BCAS3: variants seen among roughly 807,000 people sequenced by gnomAD.
The protein encoded by BCAS3 is BCAS4/BCAS3 fusion.
A neutral mutation model predicts 116.1 loss-of-function variants in BCAS3; 53 were observed. The ratio of observed to expected loss-of-function variants is 0.46; its 90% CI spans 0.37 to 0.57. The LOEUF is 0.57. Among genes scored for constraint, BCAS3 ranks in the 20% least tolerant of loss-of-function variants. BCAS3 has a pLI of 0.00. For missense variants in BCAS3, 917 were observed against 1,165.4 expected, an observed-to-expected ratio of 0.79 and a Z score of 3.10; for synonymous variants, 391 against 408.2, an observed-to-expected ratio of 0.96 and a Z score of 0.51.
chr17:60,697,624 C>G (rs1006735256), intron 4 of BCAS3, among the ~76,000 whole-genome samples: 3 of 151,240 alleles, frequency 2.0e-5, no homozygotes, highest in Admixed American at 6.6e-5. Flanking sequence ...CACTTTACAC[C>G]TTGACTTTTG....
chr17:61,357,754 A>T (rs35358323), intron 22 of BCAS3, among the ~76,000 whole-genome samples: 6,131 of 148,832 alleles, frequency 0.041, 175 homozygotes, highest in Non-Finnish European at 0.064. Context: ...AAATTTTTTT[A>T]AAATAATAAA....
intron 13 of BCAS3, among the ~76,000 whole-genome samples, chr17:60,938,305 C>T (rs2060043061): frequency 6.6e-6 from 1 of 152,180 alleles, no homozygotes; most frequent in Admixed American, 6.5e-5. Flanking sequence ...CTAAAGCTCA[C>T]CAAGAAAGGG....
intron 22 of BCAS3, among the ~76,000 whole-genome samples, chr17:61,209,018 C>T (rs950819535): frequency 7.2e-5 from 11 of 152,110 alleles, no homozygotes; most frequent in Admixed American, 7.2e-4. Context: ...CATATGGTCT[C>T]ATGTTCCATT....
intron 22 of BCAS3, among the ~76,000 whole-genome samples, chr17:61,257,759 C>T (rs1332271660): frequency 6.6e-6 from 1 of 152,204 alleles, no homozygotes; most frequent in Non-Finnish European, 1.5e-5. Flanking sequence ...GTGACTTACA[C>T]TTAGCTTGTT....
chr17:60,798,692 G>A (rs193120804), intron 6 of BCAS3, among the ~76,000 whole-genome samples: 2 of 152,248 alleles, frequency 1.3e-5, no homozygotes, highest in Admixed American at 1.3e-4. Context: ...GTTCATTTTC[G>A]TAATTACCAA....
intron 6 of BCAS3, among the ~76,000 whole-genome samples, chr17:60,789,705 A>G (rs1009448399): frequency 1.3e-5 from 2 of 152,136 alleles, no homozygotes; most frequent in African/African-American, 4.8e-5. Flanking sequence ...ACACAATTTT[A>G]TATATAAAAA....
chr17:60,842,307 A>G (rs1471634328), intron 7 of BCAS3, among the ~76,000 whole-genome samples: 1 of 152,128 alleles, frequency 6.6e-6, no homozygotes, highest in African/African-American at 2.4e-5. Context: ...TTTCAGCTTT[A>G]TGTTTTTTTG....
At position 61,130,408 on chromosome 17, in the gene BCAS3, TAACCACAA is replaced by T. The variant is rs2076268953; in HGVS notation, c.2425+45849_2425+45856del. Among the ~76,000 whole-genome samples the T allele has an allele frequency of 6.6e-6, 1 of 152,148 alleles. No homozygotes were observed. The highest frequency in any genetic ancestry group is 1.9e-4 in the East Asian group (1 of 5,190). ...CAACCCAAGACCCCAATCATTAGAATAACCACAAAACCGATTCTTAATTACCTCTTGCC... is the reference window on the plus strand; with the variant it reads ...CAACCCAAGACCCCAATCATTAGAATAACCGATTCTTAATTACCTCTTGCC... On this transcript the variant is annotated intron_variant, in intron 22 of 23. Coordinates refer to ENST00000407086, the MANE Select transcript of BCAS3 (RefSeq NM_017679.5). This position sits in a 1 kb window ranked among gnomAD's most constrained non-coding sequence, Gnocchi z 5.0.
intron 22 of BCAS3, among the ~76,000 whole-genome samples, chr17:61,350,860 C>A (rs1178939456): frequency 1.3e-5 from 2 of 152,050 alleles, no homozygotes; most frequent in Non-Finnish European, 2.9e-5. Flanking sequence ...TCTTGAACTC[C>A]CAAGCTCAGA....
At chr17:61,061,424 C>G (rs2070022747) in intron 19 of BCAS3, among the ~76,000 whole-genome samples, 1 of 152,126 alleles carries the variant, frequency 6.6e-6, no homozygotes, top group South Asian at 2.1e-4. Flanking sequence ...TTTGTCAGGG[C>G]TTAGTGTAGA....
intron 22 of BCAS3, among the ~76,000 whole-genome samples, chr17:61,335,198 G>A (rs1221388632): frequency 5.9e-5 from 9 of 152,200 alleles, no homozygotes; most frequent in South Asian, 2.1e-4. Flanking sequence ...ACTAAAGTCC[G>A]CAGGCCTTGT....
intron 22 of BCAS3, among the ~76,000 whole-genome samples, chr17:61,221,550 C>T (rs1004986914): frequency 1.3e-5 from 2 of 152,176 alleles, no homozygotes; most frequent in Admixed American, 6.5e-5. Context: ...AGCCAGTACA[C>T]CTCTGGGACA....
In BCAS3 at chr17:61,323,288, C is replaced by A. The variant is rs567339545; in HGVS notation, c.2426-45039C>A. Among the ~76,000 whole-genome samples, 5 of 152,254 alleles carry A rather than the reference C, an allele frequency of 3.3e-5. No homozygotes were observed. The highest frequency in any genetic ancestry group is 3.4e-3 in the Middle Eastern group (1 of 294). The stretch of plus-strand genomic sequence containing the variant: ...TCATTTATAACCCGTTCTGATTATT[C>A]TTCTCCTCTGAAATCTCACTGGTTG... On this transcript the variant is annotated intron_variant, in intron 22 of 23. Transcript: ENST00000407086. The surrounding 1 kb of genome is among the most constrained non-coding windows in gnomAD (Gnocchi z 4.6).
Position 61,381,502 on chromosome 17 carries a change from AT to A in BCAS3, c.2594-10473del, listed in dbSNP as rs921655609. ...GCAACAGAGGCCGTGCCCCAACACC[AT>A]TCCTTTGGCTAGGCTTGGCCTAGAA... On this transcript the variant is annotated intron_variant, in intron 23 of 23. Coordinates refer to ENST00000407086, the MANE Select transcript of BCAS3 (RefSeq NM_017679.5). The surrounding 1 kb of genome is among the most constrained non-coding windows in gnomAD (Gnocchi z 6.0). Among the ~76,000 whole-genome samples the A allele has an allele frequency of 3.3e-5, 5 of 152,140 alleles. No individual in the cohort carries two copies. Among genetic ancestry groups the A allele is most frequent in the African/African-American group, 9.7e-5 (4 of 41,422 alleles).
chr17:61,351,338 G>A (rs1183245349), intron 22 of BCAS3, among the ~76,000 whole-genome samples: 1 of 152,278 alleles, frequency 6.6e-6, no homozygotes, highest in East Asian at 1.9e-4. Context: ...AACAGCATGG[G>A]AATTATCCTT....
In BCAS3 at chr17:61,177,537, A is replaced by G. The variant is rs2079215847; in HGVS notation, c.2425+92973A>G. On this transcript the variant is annotated intron_variant, in intron 22 of 23. Coordinates refer to ENST00000407086, the MANE Select transcript of BCAS3 (RefSeq NM_017679.5). ...CTGAAAGCAAGAAGTGGTTTCCTGG[A>G]TATCCAAATGGGGCAGGAAGAGAGA... Among the ~76,000 whole-genome samples the G allele has an allele frequency of 3.3e-5, 5 of 152,200 alleles. No individual in the cohort carries two copies. The South Asian group carries it at 1.0e-3, about 31-fold the overall frequency.
intron 5 of BCAS3, among the ~76,000 whole-genome samples, chr17:60,717,537 G>A (rs1027972742): frequency 3.3e-5 from 5 of 152,068 alleles, no homozygotes; most frequent in African/African-American, 4.8e-5. Flanking sequence ...TTATATTTAA[G>A]AACAGCAAGG....
At chr17:60,738,034 G>A (rs79934159) in intron 5 of BCAS3, among the ~76,000 whole-genome samples, 4,801 of 152,164 alleles carry the variant, frequency 0.032, 238 homozygotes, top group African/African-American at 0.1. Flanking sequence ...TGATCTGCTT[G>A]TTGGCCTCCC....
At chr17:61,270,182 C>A (rs1187896783) in intron 22 of BCAS3, among the ~76,000 whole-genome samples, 1 of 134,570 alleles carries the variant, frequency 7.4e-6, no homozygotes, top group Non-Finnish European at 1.5e-5. Context: ...TGCGATGGTG[C>A]GATCCCGGCT....
Sources: gnomAD v4.1 joint callset for allele counts (sites outside exome capture counted in the v4.1 genomes callset) on GRCh38, gnomAD v4.1.1 for gene constraint, Gnocchi (gnomAD v3.1) non-coding constraint, MANE v1.5 for transcripts, NCBI Gene and HGNC (gene_info 2026-07-23, HGNC 2026-07-21) for gene names.